Variants in XRCC4 observed in about 807,000 individuals in gnomAD.
XRCC4 encodes the protein X-ray repair cross complementing 4, also known as DNA repair protein XRCC4.
A neutral mutation model predicts 39.1 loss-of-function variants in XRCC4; 28 were observed. The observed-to-expected ratio is 0.72, with a 90% CI of 0.53 to 0.98. The LOEUF (loss-of-function observed/expected upper bound fraction) is 0.98, where lower values mean the gene tolerates loss of function less well. Ranked by LOEUF, XRCC4 falls within the 50% of genes least tolerant of loss-of-function variation. The probability of loss-of-function intolerance (pLI) is 0.00; values close to 1 mark genes in which losing one functional copy is unlikely to be tolerated. For synonymous variants in XRCC4, 123 were observed against 126.4 expected (o/e 0.97, Z 0.18); for missense variants, 350 against 376.4 (o/e 0.93, Z 0.58).
the XRCC4 span, among the ~76,000 whole-genome samples, chr5:83,372,478 C>G: frequency 6.6e-6 from 1 of 152,112 alleles, no homozygotes; most frequent in African/African-American, 2.4e-5. Context: ...TGTCCTACTC[C>G]GAGGTTCCCA....
At chr5:83,087,273 C>T (rs577579888) in intron 1 of XRCC4, among the ~76,000 whole-genome samples, 125 of 151,112 alleles carry the variant, frequency 8.3e-4, no homozygotes, top group Non-Finnish European at 8.6e-4. Flanking sequence ...GCTGAGATTG[C>T]GCCACTGCAC....
At chr5:83,293,714 C>G (rs192365535) in intron 7 of XRCC4, among the ~76,000 whole-genome samples, 86 of 152,084 alleles carry the variant, frequency 5.7e-4, no homozygotes, top group African/African-American at 1.9e-3. Context: ...TTCTGTATTT[C>G]ATGGCACTTA....
chr5:83,153,815 T>C (rs1748832108), intron 3 of XRCC4, among the ~76,000 whole-genome samples: 1 of 152,228 alleles, frequency 6.6e-6, no homozygotes, highest in Non-Finnish European at 1.5e-5. Context: ...CTCATGTTTT[T>C]GTCAAACTTT....
At chr5:83,233,733 CAAA>C (rs200461475) in intron 6 of XRCC4, among the ~76,000 whole-genome samples, 2 of 98,602 alleles carry the variant, frequency 2.0e-5, no homozygotes. Flanking sequence ...ACTAAAAATG[CAAA>C]AAAAAAAAAA....
At chr5:83,193,931 TTTG>T (rs913374856) in intron 3 of XRCC4, among the ~76,000 whole-genome samples, 15 of 152,056 alleles carry the variant, frequency 9.9e-5, no homozygotes, top group South Asian at 2.1e-4. Context: ...TTTTTTTGTT[TTTG>T]TTGTTGTTGT....
At chr5:83,302,199 T>G (rs1302184720) in intron 7 of XRCC4, among the ~76,000 whole-genome samples, 1 of 151,906 alleles carries the variant, frequency 6.6e-6, no homozygotes, top group Non-Finnish European at 1.5e-5. Context: ...GCTTAAGCCC[T>G]TTTTCCAGGG....
intron 3 of XRCC4, among the ~76,000 whole-genome samples, chr5:83,186,436 C>T (rs1750441442): frequency 6.6e-6 from 1 of 152,144 alleles, no homozygotes; most frequent in Admixed American, 6.5e-5. Flanking sequence ...GACTACATCA[C>T]TCCCAATTTC....
At chr5:83,285,263 T>G (rs950845560) in intron 7 of XRCC4, among the ~76,000 whole-genome samples, 1 of 152,220 alleles carries the variant, frequency 6.6e-6, no homozygotes, top group African/African-American at 2.4e-5. Context: ...TATAAACTGT[T>G]AAGATTGGTT....
intron 1 of XRCC4, among the ~76,000 whole-genome samples, chr5:83,104,574 TC>T (rs933722320): frequency 2.6e-5 from 4 of 152,188 alleles, no homozygotes; most frequent in African/African-American, 9.7e-5. Context: ...CGTCTTGGCC[TC>T]CCAAAGTGCT....
At chr5:83,115,308 T>C (rs1746657314) in intron 3 of XRCC4, among the ~76,000 whole-genome samples, 1 of 152,140 alleles carries the variant, frequency 6.6e-6, no homozygotes, top group Admixed American at 6.5e-5. Context: ...ATACCTGTAA[T>C]TCCAGCTACT....
intron 6 of XRCC4, among the ~76,000 whole-genome samples, chr5:83,233,934 C>CAACAACA (rs11280810): frequency 0.056 from 8,310 of 149,684 alleles, 319 homozygotes; most frequent in South Asian, 0.16. Context: ...TTCTAGCTAT[C>CAACAACA]AACAACAATC....
intron 7 of XRCC4, among the ~76,000 whole-genome samples, chr5:83,323,125 T>A (rs539041409): frequency 1.8e-4 from 28 of 152,052 alleles, no homozygotes; most frequent in African/African-American, 6.8e-4. Flanking sequence ...AACTGAAGCT[T>A]GAAATAAAAT....
At chr5:83,249,492 G>T (rs558562869) in intron 6 of XRCC4, among the ~76,000 whole-genome samples, 1 of 152,186 alleles carries the variant, frequency 6.6e-6, no homozygotes, top group East Asian at 1.9e-4. Flanking sequence ...TATCACAGAG[G>T]CACCAACCTT....
At chr5:83,238,549 A>C (rs2112838744) in intron 6 of XRCC4, among the ~76,000 whole-genome samples, 1 of 152,200 alleles carries the variant, frequency 6.6e-6, no homozygotes, top group African/African-American at 2.4e-5. Context: ...TTGCAGCCTA[A>C]TTTTAAATAA....
chr5:83,221,983 T>C (rs544920963), intron 6 of XRCC4, among the ~76,000 whole-genome samples: 11 of 152,026 alleles, frequency 7.2e-5, no homozygotes, highest in Non-Finnish European at 1.3e-4. Context: ...GATAGTAGTA[T>C]AACTACCCCA....
chr5:83,113,820 G>A (rs1746568177), intron 3 of XRCC4, among the ~76,000 whole-genome samples: 1 of 152,038 alleles, frequency 6.6e-6, no homozygotes, highest in South Asian at 2.1e-4. Context: ...TAGAGACGGG[G>A]TTTCACCATG....
chr5:83,265,860 G>A (rs1482228795), intron 7 of XRCC4, among the ~76,000 whole-genome samples: 4 of 136,732 alleles, frequency 2.9e-5, no homozygotes, highest in Non-Finnish European at 5.9e-5. Context: ...TAAATATTTC[G>A]ATGTTTATAA....
the XRCC4 span, among the ~76,000 whole-genome samples, chr5:83,360,298 A>G: frequency 6.6e-6 from 1 of 152,126 alleles, no homozygotes; most frequent in Non-Finnish European, 1.5e-5. Flanking sequence ...TGTATGCTTA[A>G]AGGTGATGGT....
chr5:83,352,596 C>A (rs949910520), intron 7 of XRCC4, among the ~76,000 whole-genome samples: 1 of 152,116 alleles, frequency 6.6e-6, no homozygotes, highest in African/African-American at 2.4e-5. Flanking sequence ...TATGCAGATT[C>A]AATAAATGAT....
Sources: allele counts gnomAD v4.1 joint callset (sites outside exome capture counted in the v4.1 genomes callset), GRCh38; gene constraint gnomAD v4.1.1; transcripts MANE v1.5; gene names NCBI Gene and HGNC (gene_info 2026-07-23, HGNC 2026-07-21).